GPRC6A: variants seen among roughly 807,000 people sequenced by gnomAD.
GPRC6A encodes the protein G protein-coupled receptor family C group 6 member A.
In GPRC6A, 54 loss-of-function variants were observed where a neutral mutation model predicts 47.0. The observed-to-expected ratio is 1.15, with a 90% CI of 0.92 to 1.44. The LOEUF (loss-of-function observed/expected upper bound fraction) is 1.44, where lower values mean the gene tolerates loss of function less well. Ranked by LOEUF, GPRC6A falls within the 40% of genes most tolerant of loss-of-function variation. GPRC6A has a pLI of 0.00. For synonymous variants in GPRC6A, 347 were observed against 377.1 expected, an observed-to-expected ratio of 0.92 and a Z score of 0.93; for missense variants, 1,112 against 1,105.5, an observed-to-expected ratio of 1.01 and a Z score of -0.08.
intron 1 of GPRC6A, among the ~76,000 whole-genome samples, chr6:116,823,932 T>C (rs572454864): frequency 6.6e-6 from 1 of 152,090 alleles, no homozygotes; most frequent in South Asian, 2.1e-4. Flanking sequence ...AGAACAGCAC[T>C]AGGGGGATGG....
intron 1 of GPRC6A, among the ~76,000 whole-genome samples, chr6:116,815,017 G>T (rs1014260332): frequency 6.6e-6 from 1 of 152,022 alleles, no homozygotes; most frequent in East Asian, 1.9e-4. Flanking sequence ...AATCTTTCCA[G>T]GAAGAGGAAA....
At chr6:116,819,790 T>G (rs1336536251) in intron 1 of GPRC6A, among the ~76,000 whole-genome samples, 2 of 150,034 alleles carry the variant, frequency 1.3e-5, no homozygotes, top group Non-Finnish European at 3.0e-5. Context: ...AACATCACAA[T>G]TAAAAGAACT....
chr6:116,820,174 T>C, intron 1 of GPRC6A, among the ~76,000 whole-genome samples: 1 of 151,568 alleles, frequency 6.6e-6, no homozygotes, highest in African/African-American at 2.4e-5. Flanking sequence ...GTTGAATCTC[T>C]GAATAGACCA....
At chr6:116,815,902 A>G (rs1200630597) in intron 1 of GPRC6A, among the ~76,000 whole-genome samples, 1 of 152,214 alleles carries the variant, frequency 6.6e-6, no homozygotes, top group Non-Finnish European at 1.5e-5. Flanking sequence ...TAAAGAAAAG[A>G]GGTTTAATTG....
At chr6:116,814,761 AG>A (rs1437874174) in intron 1 of GPRC6A, among the ~76,000 whole-genome samples, 4 of 152,176 alleles carry the variant, frequency 2.6e-5, no homozygotes, top group African/African-American at 9.6e-5. Context: ...ATTTAAAAAA[AG>A]AAAAAAAAGA....
chr6:116,794,744 C>T (rs969177436), intron 5 of GPRC6A, among the ~76,000 whole-genome samples: 1 of 151,988 alleles, frequency 6.6e-6, no homozygotes, highest in East Asian at 1.9e-4. Context: ...CTCAATTCCA[C>T]TAATATAAAC....
intron 2 of GPRC6A, among the ~76,000 whole-genome samples, chr6:116,808,940 C>A (rs372881379): frequency 5.9e-5 from 9 of 152,238 alleles, no homozygotes; most frequent in South Asian, 2.1e-4. Flanking sequence ...ATATTCAGAA[C>A]AACATGCAAA....
intron 4 of GPRC6A, among the ~76,000 whole-genome samples, chr6:116,798,355 G>A (rs971884504): frequency 1.3e-5 from 2 of 152,150 alleles, no homozygotes; most frequent in East Asian, 3.8e-4. Flanking sequence ...AATAGCAGGG[G>A]CAAAGTCCTT....
At chr6:116,815,567 C>T (rs1470315578) in intron 1 of GPRC6A, among the ~76,000 whole-genome samples, 3 of 152,194 alleles carry the variant, frequency 2.0e-5, no homozygotes, top group Non-Finnish European at 4.4e-5. Flanking sequence ...GTAGAATACA[C>T]ATTCTTCTCA....
chr6:116,821,750 A>G (rs2114620787), intron 1 of GPRC6A, among the ~76,000 whole-genome samples: 1 of 152,132 alleles, frequency 6.6e-6, no homozygotes, highest in Non-Finnish European at 1.5e-5. Context: ...CTAAAACCAT[A>G]AAAACCCTAG....
intron 4 of GPRC6A, among the ~76,000 whole-genome samples, chr6:116,799,562 C>G (rs1772596080): frequency 6.6e-6 from 1 of 152,030 alleles, no homozygotes; most frequent in Non-Finnish European, 1.5e-5. Flanking sequence ...GTGAGCTAGA[C>G]AGAAACAATT....
At chr6:116,802,156 A>G (rs1280114827) in intron 3 of GPRC6A, among the ~76,000 whole-genome samples, 2 of 152,180 alleles carry the variant, frequency 1.3e-5, no homozygotes, top group African/African-American at 4.8e-5. Flanking sequence ...TCTGTAAATA[A>G]TCATAAAATT....
intron 1 of GPRC6A, among the ~76,000 whole-genome samples, chr6:116,822,580 A>G (rs1773528199): frequency 7.0e-6 from 1 of 142,500 alleles, no homozygotes; most frequent in South Asian, 2.4e-4. Context: ...ATGAAATTGG[A>G]AATCATCATT....
At chr6:116,812,971 A>G (rs1773077287) in intron 1 of GPRC6A, among the ~76,000 whole-genome samples, 1 of 152,176 alleles carries the variant, frequency 6.6e-6, no homozygotes, top group Non-Finnish European at 1.5e-5. Flanking sequence ...ATAACAGACA[A>G]ACAGAGAGAC....
At chr6:116,818,589 T>C (rs1773332391) in intron 1 of GPRC6A, among the ~76,000 whole-genome samples, 1 of 132,140 alleles carries the variant, frequency 7.6e-6, no homozygotes, top group African/African-American at 2.8e-5. Flanking sequence ...AACCCAGAAT[T>C]TCATATCCAG....
intron 2 of GPRC6A, among the ~76,000 whole-genome samples, chr6:116,808,848 TC>T (rs1158950741): frequency 6.6e-5 from 10 of 152,142 alleles, no homozygotes; most frequent in Non-Finnish European, 1.5e-4. Flanking sequence ...TTTTCAGAGA[TC>T]TTTTTGCTTA....
intron 1 of GPRC6A, among the ~76,000 whole-genome samples, chr6:116,822,180 A>G (rs1414147025): frequency 4.7e-5 from 6 of 127,462 alleles, no homozygotes; most frequent in African/African-American, 1.9e-4. Context: ...CACACCAGTT[A>G]GAATGGCAAT....
At chr6:116,827,006 A>G (rs559943243) in intron 1 of GPRC6A, among the ~76,000 whole-genome samples, 1 of 151,972 alleles carries the variant, frequency 6.6e-6, no homozygotes, top group Non-Finnish European at 1.5e-5. Context: ...CATTGATATC[A>G]TAAAGGTAGA....
rs576747132 is a variant in GPRC6A, at chr6:116,800,831, A to G, written c.1336-35T>C. On this transcript the variant is annotated intron_variant, in intron 3 of 5. Coordinates refer to ENST00000310357, the MANE Select transcript of GPRC6A (RefSeq NM_148963.4). Reference sequence around the variant, plus strand: ...ATAAAAACAGAGATAAGCACTTAATATAAATGTTGCAAATGTATCCATTAT... The same window carrying G: ...ATAAAAACAGAGATAAGCACTTAATGTAAATGTTGCAAATGTATCCATTAT... 396 of 1,312,462 alleles carry G rather than the reference A, an allele frequency of 3.0e-4. 1 individual carries two copies. The East Asian group carries it at 6.0e-3, about 20-fold the overall frequency. 81.3% of individuals were successfully genotyped at this position (1,312,462 alleles called of 1,614,324 possible). A position where few individuals can be genotyped will look rare whatever the true frequency, so the allele number is the denominator to read the frequency against.
Sources: allele counts gnomAD v4.1 joint callset (sites outside exome capture counted in the v4.1 genomes callset), GRCh38; gene constraint gnomAD v4.1.1; transcripts MANE v1.5; gene names NCBI Gene and HGNC (gene_info 2026-07-23, HGNC 2026-07-21).